The following DHX57 variants were observed in gnomAD, a reference collection of about 807,000 sequenced individuals.
DHX57 encodes DExH-box helicase 57.
Under a neutral mutation model 156.2 loss-of-function variants are expected in DHX57, and 105 were observed. That is an observed-to-expected ratio of 0.67 (90% CI 0.57 to 0.79). DHX57 has a LOEUF of 0.79. DHX57 is among the 30% of genes least tolerant of loss of function. The pLI is 0.00. For synonymous variants in DHX57, 704 were observed against 595.6 expected (o/e 1.18, Z -2.65); for missense variants, 1,847 against 1,661.9 (o/e 1.11, Z -1.94).
chr2:38,804,216 C>T (rs917492007), intron 22 of DHX57, among the ~76,000 whole-genome samples: 5 of 152,100 alleles, frequency 3.3e-5, no homozygotes, highest in African/African-American at 9.7e-5. Context: ...TCTGGCAGGG[C>T]GTGGTGGCTC....
At chr2:38,826,483 G>A (rs1671090954) in intron 15 of DHX57, 33 bp downstream of exon 15, 2 of 1,601,296 alleles carry the variant, frequency 1.2e-6, no homozygotes, top group African/African-American at 2.7e-5. Flanking sequence ...AGCATTTTTA[G>A]CCCCTCTCTT....
chr2:38,802,785 T>C lies in DHX57; in HGVS notation c.3947A>G (p.Gln1316Arg), dbSNP rs1335159581. 6.2e-7 allele frequency: 1 copy of C among 1,614,194 alleles called. No homozygotes were observed. The highest frequency in any genetic ancestry group is 1.1e-5 in the South Asian group (1 of 91,082). ...VLFGGGQVNV[Q>R]LQRGEFVVSL... Reference sequence around the variant, plus strand: ...GACAACGAACTCTCCTCTTTGAAGCTGCACATTCACTTGGCCTCCTCCAAA... The same window carrying C: ...GACAACGAACTCTCCTCTTTGAAGCCGCACATTCACTTGGCCTCCTCCAAA... Residue 1316 changes from glutamine to arginine, a missense_variant, in exon 23 of 24, where the codon CAG becomes CGG. Physicochemically the swap from Gln to Arg is conservative, Grantham distance 43 (BLOSUM62 1). Coordinates refer to ENST00000457308, the MANE Select transcript of DHX57 (RefSeq NM_198963.3).
intron 5 of DHX57, among the ~76,000 whole-genome samples, chr2:38,860,058 G>A (rs925630881): frequency 6.6e-6 from 1 of 152,122 alleles, no homozygotes; most frequent in South Asian, 2.1e-4. Context: ...GGGTCAAGCA[G>A]TGCTCTCACT....
At chr2:38,840,447 C>G (rs1671931065) in intron 12 of DHX57, among the ~76,000 whole-genome samples, 1 of 150,886 alleles carries the variant, frequency 6.6e-6, no homozygotes, top group African/African-American at 2.4e-5. Flanking sequence ...GTGGTGCAAT[C>G]TGGGCTCACT....
intron 4 of DHX57, 24 bp downstream of exon 4, chr2:38,862,121 C>T (rs1306252782): frequency 1.9e-6 from 3 of 1,568,554 alleles, no homozygotes; most frequent in Middle Eastern, 3.4e-4. Flanking sequence ...TTTCCCAACT[C>T]CCATAAATGA....
In DHX57 at chr2:38,856,380, A is replaced by G. The variant is rs772674481; in HGVS notation, c.1669T>C (p.Leu557=). 4.3e-6 allele frequency: 7 copies of G among 1,613,842 alleles called. No individual in the cohort carries two copies. The highest frequency in any genetic ancestry group is 1.1e-5 in the South Asian group (1 of 91,032). Residue 557 remains leucine, a synonymous_variant, in exon 7 of 24, where the codon TTG becomes CTG. Transcript: ENST00000457308. ...WEERETILNL[L]RKHQVVVISG... ...ATGACAACCACCTGGTGCTTACGCA[A>G]TAAGTTAAGAATGGTTTCTCTTTCT...
At chr2:38,863,987 G>C (rs1353623642) in intron 2 of DHX57, among the ~76,000 whole-genome samples, 2 of 151,806 alleles carry the variant, frequency 1.3e-5, no homozygotes, top group Admixed American at 6.6e-5. Context: ...ACTACAGCCT[G>C]GGCAACAGAG....
rs532259796 is a variant in DHX57, at chr2:38,858,865, G to A, written c.1412-29C>T. 1.0e-4 allele frequency: 160 copies of A among 1,586,674 alleles called. 6 individuals are homozygous for A. In the South Asian group the frequency reaches 1.8e-3, roughly 18 times the overall value. On this transcript the variant is annotated intron_variant, in intron 5 of 23. Transcript: ENST00000457308. The stretch of plus-strand genomic sequence containing the variant: ...GAAGGAAATAAAAGAAAACATTTCA[G>A]TATGGAGCCCTTTCTTTAACAAAAG...
Position 38,828,399 on chromosome 2 carries a change from G to T in DHX57, c.2580C>A (p.Ile860=). Residue 860 remains isoleucine, a synonymous_variant, in exon 14 of 24, where the codon ATC becomes ATA. Coordinates refer to ENST00000457308, the MANE Select transcript of DHX57 (RefSeq NM_198963.3). The part of the protein sequence containing the change: ...ILVFLPGLAE[I]KMLYEQLQSN... ...ACTGTAGCTGTTCATAAAGCATTTT[G>T]ATTTCTGCTAGTCCTGGTAAAAATA... 6.2e-7 allele frequency: 1 copy of T among 1,613,566 alleles called. No homozygotes were observed. Among genetic ancestry groups the T allele is most frequent in the South Asian group, 1.1e-5 (1 of 90,996 alleles).
chr2:38,865,961 A>G (rs2124942349), intron 2 of DHX57, among the ~76,000 whole-genome samples: 1 of 152,334 alleles, frequency 6.6e-6, no homozygotes, highest in Admixed American at 6.5e-5. Flanking sequence ...ATAGATTCAT[A>G]GACTGTACAC....
chr2:38,810,811 A>T, intron 21 of DHX57: 1 of 747,196 alleles, frequency 1.3e-6, no homozygotes, highest in South Asian at 1.3e-5. Flanking sequence ...GTGGTAAAGG[A>T]TGGTGCCTGC....
rs1016620846 is a variant in DHX57 at position 38,848,134 on chromosome 2, T to C, written c.2164+135A>G. The C allele has an allele frequency of 1.9e-5, 19 of 997,584 alleles. 1 individual carries two copies. Among genetic ancestry groups the C allele is most frequent in the Non-Finnish European group, 2.6e-5 (19 of 718,548 alleles). The allele number at this position is 997,584 out of a possible 1,614,324, so 61.8% of individuals were successfully genotyped here. The stretch of plus-strand genomic sequence containing the variant: ...TGTTACCTCCTTATCAGCTGCATTA[T>C]ATGGTTTATGATTTTATGTTATAAA... On this transcript the variant is annotated intron_variant, in intron 10 of 23. Coordinates refer to ENST00000457308, the MANE Select transcript of DHX57 (RefSeq NM_198963.3).
chr2:38,843,867 C>T (rs1273167432), intron 11 of DHX57, among the ~76,000 whole-genome samples: 3 of 151,998 alleles, frequency 2.0e-5, no homozygotes, highest in Admixed American at 6.6e-5. Flanking sequence ...GTAAGTGGCT[C>T]GATTTTTTTT....
chr2:38,837,853 A>T lies in DHX57; in HGVS notation c.2520T>A (p.Asp840Glu). 1 of 1,607,834 alleles carries T rather than the reference A, an allele frequency of 6.2e-7. No individual in the cohort carries two copies. The highest frequency in any genetic ancestry group is 8.5e-7 in the Non-Finnish European group (1 of 1,174,386). The change falls in exon 13 of 24, where the codon GAT (aspartate) becomes GAA (glutamate). Residue 840 changes from aspartate to glutamate, a missense_variant. Coordinates refer to ENST00000457308, the MANE Select transcript of DHX57 (RefSeq NM_198963.3). ...TACCTGGAGGGTAGGAGTGCTTTCC[A>T]TCCACAATCCACTCTAATAAGGCCT... ...LIEALLEWIV[D>E]GKHSYPPGAI...
At chr2:38,875,058 G>C (rs1218265336) in intron 1 of DHX57, among the ~76,000 whole-genome samples, 1 of 152,140 alleles carries the variant, frequency 6.6e-6, no homozygotes, top group Non-Finnish European at 1.5e-5. Context: ...CACCAACCCA[G>C]AAAATGTTAC....
chr2:38,817,302 T>A (rs1301948435), intron 19 of DHX57, among the ~76,000 whole-genome samples: 2 of 152,016 alleles, frequency 1.3e-5, no homozygotes, highest in Non-Finnish European at 2.9e-5. Context: ...CATACCACTT[T>A]GGAATTTATT....
At chr2:38,847,800 A>G (rs1018437823) in intron 10 of DHX57, among the ~76,000 whole-genome samples, 6 of 152,204 alleles carry the variant, frequency 3.9e-5, no homozygotes, top group Admixed American at 3.9e-4. Context: ...TCTCCCAGCA[A>G]TGGCCGGGTG....
chr2:38,812,288 T>C (rs1670289354), intron 21 of DHX57, among the ~76,000 whole-genome samples: 1 of 152,114 alleles, frequency 6.6e-6, no homozygotes, highest in Non-Finnish European at 1.5e-5. Context: ...ACATTTCAAA[T>C]GGTTTGAAAA....
At chr2:38,857,831 C>T (rs2124922000) in intron 6 of DHX57, among the ~76,000 whole-genome samples, 1 of 152,298 alleles carries the variant, frequency 6.6e-6, no homozygotes. Flanking sequence ...TCCTTTGAGT[C>T]TTTGAAACAG....
Sources: gnomAD v4.1 joint callset for allele counts (sites outside exome capture counted in the v4.1 genomes callset) on GRCh38, gnomAD v4.1.1 for gene constraint, MANE v1.5 for transcripts, NCBI Gene and HGNC (gene_info 2026-07-23, HGNC 2026-07-21) for gene names.